The following ZC3H18 variants were observed in gnomAD, a reference collection of about 807,000 sequenced individuals.
The protein encoded by ZC3H18 is zinc finger CCCH domain-containing protein 18.
Under a neutral mutation model 106.1 loss-of-function variants are expected in ZC3H18, and 8 were observed. That is an observed-to-expected ratio of 0.08 (90% CI 0.04 to 0.14). The LOEUF (loss-of-function observed/expected upper bound fraction) is 0.14. Ranked by LOEUF, ZC3H18 falls within the 10% of genes least tolerant of loss-of-function variation. The probability of loss-of-function intolerance (pLI) is 1.00; values close to 1 mark genes in which losing one functional copy is unlikely to be tolerated. For missense variants in ZC3H18, 1,318 were observed against 1,278.4 expected, an observed-to-expected ratio of 1.03 and a Z score of -0.47; for synonymous variants, 635 against 522.1, an observed-to-expected ratio of 1.22 and a Z score of -2.95.
intron 1 of ZC3H18, among the ~76,000 whole-genome samples, chr16:88,572,320 T>C (rs912875231): frequency 1.3e-5 from 2 of 152,248 alleles, no homozygotes; most frequent in Admixed American, 1.3e-4. Context: ...CTATTATTTT[T>C]TGAGACGGAG....
chr16:88,630,593 C>T lies in ZC3H18; in HGVS notation c.2663+12C>T, dbSNP rs1487477717. 1 of 1,592,510 alleles carries T rather than the reference C, an allele frequency of 6.3e-7. No homozygotes were observed. Among genetic ancestry groups the T allele is most frequent in the South Asian group, 1.1e-5 (1 of 88,600 alleles). On this transcript the variant is annotated intron_variant, in intron 17 of 17. Transcript: ENST00000301011. ...GCCCCGGCTGACAGGTGAGTCCCAC[C>T]CAGCATGTGCCCTGGGCACACCGAG...
intron 2 of ZC3H18, among the ~76,000 whole-genome samples, chr16:88,580,428 A>C (rs990735085): frequency 2.6e-5 from 4 of 152,176 alleles, no homozygotes; most frequent in Non-Finnish European, 4.4e-5. Context: ...AGCCAGTCAC[A>C]GATGGAAGGG....
chr16:88,601,956 A>G (rs183391236), intron 6 of ZC3H18, among the ~76,000 whole-genome samples: 35 of 152,262 alleles, frequency 2.3e-4, no homozygotes, highest in African/African-American at 7.7e-4. Context: ...GATTGTCACA[A>G]AGAGCATCTA....
chr16:88,584,919 A>G (rs1486096801), intron 2 of ZC3H18, among the ~76,000 whole-genome samples: 1 of 152,258 alleles, frequency 6.6e-6, no homozygotes, highest in Non-Finnish European at 1.5e-5. Flanking sequence ...TAAGGCAGGA[A>G]GATTGGAATG....
At chr16:88,612,964 C>G (rs376896782) in intron 8 of ZC3H18, among the ~76,000 whole-genome samples, 2 of 152,302 alleles carry the variant, frequency 1.3e-5, no homozygotes, top group African/African-American at 4.8e-5. Context: ...GATTGCACCA[C>G]TGCACTCTAG....
At chr16:88,583,725 G>A (rs1231385259) in intron 2 of ZC3H18, among the ~76,000 whole-genome samples, 1 of 152,236 alleles carries the variant, frequency 6.6e-6, no homozygotes, top group Non-Finnish European at 1.5e-5. Context: ...ACTGAGGCCT[G>A]TGTGTCTCCT....
At chr16:88,612,083 C>T (rs1905304070) in intron 8 of ZC3H18, among the ~76,000 whole-genome samples, 1 of 152,146 alleles carries the variant, frequency 6.6e-6, no homozygotes, top group African/African-American at 2.4e-5. Flanking sequence ...CAGAATGATC[C>T]TTGCTGCCAA....
chr16:88,590,460 ATC>A (rs1273621621), intron 3 of ZC3H18, among the ~76,000 whole-genome samples: 1 of 151,008 alleles, frequency 6.6e-6, no homozygotes, highest in East Asian at 1.9e-4. Flanking sequence ...GGATGTTTTT[ATC>A]TCTCGTGGGC....
chr16:88,578,576 T>C (rs1453563009), intron 2 of ZC3H18, among the ~76,000 whole-genome samples: 3 of 152,032 alleles, frequency 2.0e-5, no homozygotes, highest in African/African-American at 4.8e-5. Context: ...ATTGTGCTTA[T>C]GGGGAGTCAT....
At chr16:88,622,678 G>A (rs950047691) in intron 9 of ZC3H18, 8 of 412,658 alleles carry the variant, frequency 1.9e-5, no homozygotes, top group South Asian at 6.6e-5. Context: ...ACCTGGATGC[G>A]GGAGGACGCA....
chr16:88,617,270 G>A (rs986496513), intron 8 of ZC3H18, among the ~76,000 whole-genome samples: 3 of 87,220 alleles, frequency 3.4e-5, no homozygotes, highest in Non-Finnish European at 4.6e-5. Context: ...CTCTGGCAGG[G>A]CTTCTTGACC....
chr16:88,629,193 G>C (rs1452302564), intron 16 of ZC3H18, among the ~76,000 whole-genome samples: 1 of 152,036 alleles, frequency 6.6e-6, no homozygotes, highest in African/African-American at 2.4e-5. Flanking sequence ...ACAAAAATTA[G>C]GCCGGGCGCG....
intron 2 of ZC3H18, among the ~76,000 whole-genome samples, chr16:88,585,854 G>T (rs4468599): frequency 0.44 from 66,570 of 151,832 alleles, 15,246 homozygotes; most frequent in East Asian, 0.57. Context: ...GGCTGGAAGA[G>T]GCCGGGATCA....
chr16:88,620,585 G>GAAAAAAAAAAAAA (rs577883900), intron 8 of ZC3H18, among the ~76,000 whole-genome samples: 1 of 102,414 alleles, frequency 9.8e-6, no homozygotes. Flanking sequence ...CTCTAAAAAA[G>GAAAAAAAAAAAAA]AAAAAAAAAA....
intron 6 of ZC3H18, among the ~76,000 whole-genome samples, chr16:88,606,560 C>G (rs528501126): frequency 4.5e-4 from 68 of 152,320 alleles, no homozygotes; most frequent in African/African-American, 1.5e-3. Flanking sequence ...ATTGGGCTTA[C>G]GCAATCAGCC....
At chr16:88,607,143 C>G (rs1567590114) in intron 6 of ZC3H18, among the ~76,000 whole-genome samples, 1 of 152,236 alleles carries the variant, frequency 6.6e-6, no homozygotes, top group Non-Finnish European at 1.5e-5. Flanking sequence ...GTCGTCCCCT[C>G]CCTGTTCAAT....
Position 88,630,758 on chromosome 16 carries a change from C to CG in ZC3H18, c.2663+177_2663+178insG, listed in dbSNP as rs1310928654. The stretch of plus-strand genomic sequence containing the variant: ...AGCGAATTGCAGCCCCACCCCCCAC[C>CG]CCCCCCCACACACACACACACGCTC... On this transcript the variant is annotated intron_variant, in intron 17 of 17. Transcript: ENST00000301011. Among the ~76,000 whole-genome samples the CG allele has an allele frequency of 2.8e-5, 3 of 105,330 alleles. 1 individual carries two copies. Among genetic ancestry groups the CG allele is most frequent in the African/African-American group, 9.5e-5 (3 of 31,726 alleles). 69.1% of individuals were successfully genotyped at this position (105,330 alleles called of 152,430 possible). A position where few individuals can be genotyped will look rare whatever the true frequency, so the allele number is the denominator to read the frequency against.
chr16:88,573,149 A>G (rs1004449074), intron 1 of ZC3H18, among the ~76,000 whole-genome samples: 3 of 152,070 alleles, frequency 2.0e-5, no homozygotes, highest in Admixed American at 6.6e-5. Flanking sequence ...CAAGGTTGAC[A>G]TTAAACTATA....
Position 88,599,769 on chromosome 16 carries a change from T to C in ZC3H18, c.931-22T>C, listed in dbSNP as rs376768946. 7.5e-6 allele frequency: 12 copies of C among 1,599,848 alleles called. No homozygotes were observed. The African/African-American group carries it at 1.5e-4, about 20-fold the overall frequency. On this transcript the variant is annotated intron_variant, in intron 5 of 17. Transcript: ENST00000301011. ...GCCCGGTATTCTGTTCCATGTTGAC[T>C]TCTTTCTTCTTACAATGGTAGGTTT...
Sources: allele counts gnomAD v4.1 joint callset (sites outside exome capture counted in the v4.1 genomes callset), GRCh38; gene constraint gnomAD v4.1.1; transcripts MANE v1.5; gene names NCBI Gene and HGNC (gene_info 2026-07-23, HGNC 2026-07-21).